The following PTCH1 variants were observed in gnomAD, a reference collection of about 807,000 sequenced individuals.
The protein encoded by PTCH1 is patched 1, also known as protein patched homolog 1.
A neutral mutation model predicts 144.6 loss-of-function variants in PTCH1; 14 were observed. The observed-to-expected ratio is 0.10, with a 90% CI of 0.06 to 0.15. PTCH1 has a LOEUF of 0.15. Ranked by LOEUF, PTCH1 falls within the 10% of genes least tolerant of loss-of-function variation. The probability of loss-of-function intolerance (pLI) is 1.00; values close to 1 mark genes in which losing one functional copy is unlikely to be tolerated. For synonymous variants in PTCH1, 833 were observed against 793.6 expected (o/e 1.05, Z -0.83); for missense variants, 1,623 against 1,948.3 (o/e 0.83, Z 3.14).
At chr9:95,505,859 C>T (rs1843544934) in intron 2 of PTCH1, among the ~76,000 whole-genome samples, 1 of 149,422 alleles carries the variant, frequency 6.7e-6, no homozygotes, top group African/African-American at 2.4e-5. Flanking sequence ...CACACGCCGC[C>T]GCCTCCGCAG....
At chr9:95,447,888 G>A (rs116559716) in intron 22 of PTCH1, among the ~76,000 whole-genome samples, 3,809 of 152,280 alleles carry the variant, frequency 0.025, 96 homozygotes, top group African/African-American at 0.062. Flanking sequence ...CACAGTAGCC[G>A]CTCCAGACAT....
At chr9:95,463,070 C>T (rs1468334171) in intron 15 of PTCH1, among the ~76,000 whole-genome samples, 2 of 150,608 alleles carry the variant, frequency 1.3e-5, no homozygotes, top group Non-Finnish European at 2.9e-5. Context: ...GAAACCACAG[C>T]TTTTGAACAA....
intron 10 of PTCH1, 128 bp downstream of exon 10, chr9:95,477,419 C>T (rs1841135934): frequency 7.8e-7 from 1 of 1,281,096 alleles, no homozygotes; most frequent in Non-Finnish European, 1.1e-6. Context: ...CCAGTAGCAT[C>T]CTAGTGGAAA....
At chr9:95,501,021 A>C (rs568383490) in intron 2 of PTCH1, among the ~76,000 whole-genome samples, 75 of 152,318 alleles carry the variant, frequency 4.9e-4, no homozygotes, top group African/African-American at 1.6e-3. Flanking sequence ...GTCTATAAAT[A>C]CAGGAATGGG....
At chr9:95,487,465 G>C (rs1265795968) in intron 2 of PTCH1, among the ~76,000 whole-genome samples, 3 of 152,208 alleles carry the variant, frequency 2.0e-5, no homozygotes, top group Non-Finnish European at 4.4e-5. Flanking sequence ...GGCCTTTTCT[G>C]CAAGCCCTGG....
chr9:95,453,846 A>G (rs1272084281), intron 19 of PTCH1, among the ~76,000 whole-genome samples: 1 of 152,246 alleles, frequency 6.6e-6, no homozygotes, highest in Non-Finnish European at 1.5e-5. Context: ...TGAACACAGT[A>G]AAATCAAAAC....
rs751374954 is a variant in PTCH1, at chr9:95,457,979, T to C, written c.3168+34A>G. The C allele has an allele frequency of 5.5e-5, 88 of 1,613,380 alleles. No homozygotes were observed. In the Admixed American group the frequency reaches 1.1e-3, roughly 21 times the overall value. On this transcript the variant is annotated intron_variant, in intron 18 of 23. Transcript: ENST00000331920. ...CAGAAAGAGCTATGCTGAAAGGAAT[T>C]TGACTTCCACAAAGCCCCTTATAAT...
chr9:95,477,414 A>G (rs1564049713), intron 10 of PTCH1, 133 bp downstream of exon 10: 8 of 1,230,576 alleles, frequency 6.5e-6, no homozygotes, highest in Non-Finnish European at 9.5e-6. Context: ...TGAAACCAGT[A>G]GCATCCTAGT....
chr9:95,449,617 G>C lies in PTCH1; in HGVS notation c.3549+224C>G, dbSNP rs1266116697. The C allele has an allele frequency of 9.3e-6, 6 of 646,846 alleles. No homozygotes were observed. The highest frequency in any genetic ancestry group is 1.6e-5 in the Non-Finnish European group (6 of 372,354). The allele number at this position is 646,846 out of a possible 1,614,324, so 40.1% of individuals were successfully genotyped here. A position where few individuals can be genotyped will look rare whatever the true frequency, so the allele number is the denominator to read the frequency against. On this transcript the variant is annotated intron_variant, in intron 21 of 23. Coordinates refer to ENST00000331920, the MANE Select transcript of PTCH1 (RefSeq NM_000264.5). The surrounding 1 kb of genome is among the most constrained non-coding windows in gnomAD (Gnocchi z 5.3). ...GTCTTCATTTACTGTATAAAGATCT[G>C]TAAGACCCAGGCTGCCAATCAGTTG...
rs753240797 is a variant in PTCH1, at chr9:95,476,057, C to T, written c.1705G>A (p.Ala569Thr). The change falls in exon 12 of 24, where the codon GCT becomes ACT. Residue 569 changes from alanine (A) to threonine (T), a missense_variant. Ala to Thr is a moderately conservative substitution (Grantham distance 58). Coordinates refer to ENST00000331920, the MANE Select transcript of PTCH1 (RefSeq NM_000264.5). This position sits in a 1 kb window ranked among gnomAD's most constrained non-coding sequence, Gnocchi z 4.6. ...FFMAALIPIP[A>T]LRAFSLQAAV... ...ACCTGGAGGGAGAACGCCCGCAGAG[C>T]GGGAATTGGGATTAACGCGGCCATG... 6.2e-7 allele frequency: 1 copy of T among 1,614,056 alleles called. No individual in the cohort carries two copies. Among genetic ancestry groups the T allele is most frequent in the Non-Finnish European group, 8.5e-7 (1 of 1,180,014 alleles).
intron 13 of PTCH1, 41 bp from the exon 14 acceptor site, chr9:95,469,194 A>T: frequency 6.2e-7 from 1 of 1,612,350 alleles, no homozygotes. Flanking sequence ...ATGCTGAAAC[A>T]GGGAAATGGT....
intron 1 of PTCH1, among the ~76,000 whole-genome samples, chr9:95,515,953 C>T (rs1438794046): frequency 6.6e-6 from 1 of 151,984 alleles, no homozygotes; most frequent in Non-Finnish European, 1.5e-5. Flanking sequence ...GCTGCTCCCG[C>T]GAGCTGGCGG....
In PTCH1 at chr9:95,476,550, C is replaced by T. The variant is rs1377859886; in HGVS notation, c.1602+209G>A. On this transcript the variant is annotated intron_variant, in intron 11 of 23. Transcript: ENST00000331920. This position sits in a 1 kb window ranked among gnomAD's most constrained non-coding sequence, Gnocchi z 4.6. ...ACAAACACCCGTATTCCTAAAGGCACCCGAGATGCAGCTCTTGGGACTTCT... is the reference window on the plus strand; with the variant it reads ...ACAAACACCCGTATTCCTAAAGGCATCCGAGATGCAGCTCTTGGGACTTCT... 6.6e-6 allele frequency among the ~76,000 whole-genome samples: 1 copy of T among 152,062 alleles called. No individual in the cohort carries two copies. Among genetic ancestry groups the T allele is most frequent in the Non-Finnish European group, 1.5e-5 (1 of 68,016 alleles).
intron 2 of PTCH1, among the ~76,000 whole-genome samples, chr9:95,498,642 G>A (rs929406395): frequency 6.6e-6 from 1 of 151,822 alleles, no homozygotes; most frequent in Non-Finnish European, 1.5e-5. Flanking sequence ...GAAAAAAAGT[G>A]CCCTAAATCC....
intron 15 of PTCH1, among the ~76,000 whole-genome samples, chr9:95,466,266 C>T (rs1002165964): frequency 3.3e-5 from 5 of 152,132 alleles, no homozygotes; most frequent in African/African-American, 9.7e-5. Flanking sequence ...AGGCTGGTCT[C>T]GAACTCCTGA....
rs765196569 is a variant in PTCH1, at chr9:95,506,369, C to A, written c.394+38G>T. 7 of 1,600,180 alleles carry A rather than the reference C, an allele frequency of 4.4e-6. No homozygotes were observed. In the East Asian group the frequency reaches 1.6e-4, roughly 36 times the overall value. Reference sequence around the variant, plus strand: ...ATCTCTATCAACCGCGAGGAGGGACCGGGCCGGGGGCGCGGGCGCCGCGGC... The same window carrying A: ...ATCTCTATCAACCGCGAGGAGGGACAGGGCCGGGGGCGCGGGCGCCGCGGC... On this transcript the variant is annotated intron_variant, in intron 2 of 23. Coordinates refer to ENST00000331920, the MANE Select transcript of PTCH1 (RefSeq NM_000264.5).
At chr9:95,475,904 G>A in intron 12 of PTCH1, 130 bp downstream of exon 12, 5 of 1,416,078 alleles carry the variant, frequency 3.5e-6, no homozygotes, top group South Asian at 1.2e-5. Context: ...GTTAAACAGA[G>A]CCTCAAACAC....
chr9:95,453,168 T>C (rs990315209), intron 20 of PTCH1: 4 of 386,600 alleles, frequency 1.0e-5, no homozygotes, highest in East Asian at 5.9e-5. Context: ...AATCTCGCTC[T>C]GTCACCCAGG....
At chr9:95,474,282 A>G (rs1588591413) in intron 12 of PTCH1, 1 of 306,748 alleles carries the variant, frequency 3.3e-6, no homozygotes, top group Non-Finnish European at 6.5e-6. Flanking sequence ...CCCATGACTA[A>G]AAGACTCTAG....
Sources: gnomAD v4.1 joint callset for allele counts (sites outside exome capture counted in the v4.1 genomes callset) on GRCh38, gnomAD v4.1.1 for gene constraint, Gnocchi (gnomAD v3.1) non-coding constraint, MANE v1.5 for transcripts, NCBI Gene and HGNC (gene_info 2026-07-23, HGNC 2026-07-21) for gene names.